The following OR2A12 variants were observed in gnomAD, a reference collection of about 807,000 sequenced individuals.
The protein encoded by OR2A12 is olfactory receptor 2A12.
For missense variants in OR2A12, 380 were observed against 372.5 expected (o/e 1.02, Z -0.17); for synonymous variants, 153 against 149.3 (o/e 1.02, Z -0.18).
In OR2A12 at chr7:144,089,229, T is replaced by A. The variant is rs978975283; in HGVS notation, c.-52+2686T>A. Among the ~76,000 whole-genome samples the A allele has an allele frequency of 3.3e-5, 5 of 152,276 alleles. No individual in the cohort carries two copies. The South Asian group carries it at 1.0e-3, about 32-fold the overall frequency. ...ATAGTATCACCTACATGCTTACACA[T>A]GCTGATAACAAAATTGCTACTACCA... On this transcript the variant is annotated intron_variant, in intron 1 of 1. Transcript: ENST00000641592.
At chr7:144,094,969 G>C (rs549875174) in intron 1 of OR2A12, 88 bp from the exon 2 acceptor site, 2 of 604,534 alleles carry the variant, frequency 3.3e-6, no homozygotes, top group Non-Finnish European at 5.7e-6. Context: ...AGGACTTTGG[G>C]CTGGATGTAC....
At chr7:144,092,358 A>G (rs539336261) in intron 1 of OR2A12, among the ~76,000 whole-genome samples, 22 of 151,810 alleles carry the variant, frequency 1.4e-4, no homozygotes, top group East Asian at 1.4e-3. Context: ...GTTTCATATG[A>G]GTTTTAAAGT....
At chr7:144,089,376 G>C (rs2128802292) in intron 1 of OR2A12, among the ~76,000 whole-genome samples, 1 of 151,780 alleles carries the variant, frequency 6.6e-6, no homozygotes, top group East Asian at 1.9e-4. Context: ...GTGTTAGAGA[G>C]AAAAAAGAGA....
intron 1 of OR2A12, among the ~76,000 whole-genome samples, chr7:144,091,967 A>C (rs968900360): frequency 6.6e-6 from 1 of 152,016 alleles, no homozygotes; most frequent in Non-Finnish European, 1.5e-5. Flanking sequence ...TTGTCTTCCA[A>C]GGTTTTTATT....
At position 144,098,527 on chromosome 7, in the gene OR2A12, A is replaced by G. The variant is rs570026879; in HGVS notation, c.*2487A>G. The G allele has an allele frequency of 1.3e-5, 2 of 152,272 alleles. No individual in the cohort carries two copies. The highest frequency in any genetic ancestry group is 1.5e-5 in the Non-Finnish European group (1 of 68,010). The allele number at this position is 152,272 out of a possible 1,614,324, so 9.4% of individuals were successfully genotyped here. ...AGAAGATCGAGGAACACAGAGGTTGAGTAACTTACCCTGAGTCATTGAGTT... is the reference window on the plus strand; with the variant it reads ...AGAAGATCGAGGAACACAGAGGTTGGGTAACTTACCCTGAGTCATTGAGTT... On this transcript the variant is annotated 3_prime_UTR_variant, in exon 2 of 2. Transcript: ENST00000641592.
In OR2A12 at chr7:144,095,793, C is replaced by A; in HGVS notation, c.686C>A (p.Ser229Tyr). ...CTGGTGGCCATCTTGAGGATCCAGT[C>A]TGGGGAGGGCCGCAGAAAGGCCTTC... The part of the protein sequence containing the change: ...HILVAILRIQ[S>Y]GEGRRKAFST... The change falls in exon 2 of 2, where the codon TCT (serine) becomes TAT (tyrosine). Residue 229 changes from serine to tyrosine, a missense_variant. Ser to Tyr is a moderately radical substitution (Grantham distance 144, BLOSUM62 -2). Transcript: ENST00000641592. 1 of 1,614,112 alleles carries A rather than the reference C, an allele frequency of 6.2e-7. No homozygotes were observed. The highest frequency in any genetic ancestry group is 8.5e-7 in the Non-Finnish European group (1 of 1,180,024).
At position 144,095,409 on chromosome 7, in the gene OR2A12, T is replaced by C. The variant is rs1253174581; in HGVS notation, c.302T>C (p.Phe101Ser). The C allele has an allele frequency of 6.2e-7, 1 of 1,614,106 alleles. No homozygotes were observed. The highest frequency in any genetic ancestry group is 1.1e-5 in the South Asian group (1 of 91,086). Residue 101 changes from phenylalanine (F) to serine (S), a missense_variant, in exon 2 of 2, where the codon TTT becomes TCT. Physicochemically the swap from Phe to Ser is radical, Grantham distance 155 (BLOSUM62 -2). Transcript: ENST00000641592. The stretch of plus-strand genomic sequence containing the variant: ...TTTGCTCCTTGCATACTTCAGACTT[T>C]TTTGTATTTGGCGTTTGCTATTACA... Reference protein sequence around the residue: ...ISFAPCILQTFLYLAFAITEC... With the variant: ...ISFAPCILQTSLYLAFAITEC...
At chr7:144,091,290 C>T (rs964170908) in intron 1 of OR2A12, among the ~76,000 whole-genome samples, 5 of 152,176 alleles carry the variant, frequency 3.3e-5, no homozygotes, top group African/African-American at 1.2e-4. Context: ...ACTCAGGAGG[C>T]TGAGGCAAGA....
Position 144,096,266 on chromosome 7 carries a change from C to A in OR2A12, c.*226C>A, listed in dbSNP as rs751820777. 1 of 366,144 alleles carries A rather than the reference C, an allele frequency of 2.7e-6. No individual in the cohort carries two copies. Among genetic ancestry groups the A allele is most frequent in the East Asian group, 4.9e-5 (1 of 20,278 alleles). The allele number at this position is 366,144 out of a possible 1,614,324, so 22.7% of individuals were successfully genotyped here. On this transcript the variant is annotated 3_prime_UTR_variant, in exon 2 of 2. Coordinates refer to ENST00000641592, the MANE Select transcript of OR2A12 (RefSeq NM_001004135.2). ...GGTCAGGAGTTCGAGACCAGCCTAA[C>A]CAACATGGCGAAACACTGTCTCTAT...
At position 144,095,795 on chromosome 7, in the gene OR2A12, G is replaced by A. The variant is rs1197908545; in HGVS notation, c.688G>A (p.Gly230Arg). The part of the protein sequence containing the change: ...ILVAILRIQS[G>R]EGRRKAFSTC... ...GGTGGCCATCTTGAGGATCCAGTCT[G>A]GGGAGGGCCGCAGAAAGGCCTTCTC... Residue 230 changes from glycine to arginine, a missense_variant, in exon 2 of 2, where the codon GGG becomes AGG. By Grantham distance (125) the Gly-to-Arg change is moderately radical. Transcript: ENST00000641592. 10 of 1,613,990 alleles carry A rather than the reference G, an allele frequency of 6.2e-6. No individual in the cohort carries two copies. The highest frequency in any genetic ancestry group is 1.3e-5 in the African/African-American group (1 of 74,896).
At position 144,098,316 on chromosome 7, in the gene OR2A12, A is replaced by G. The variant is rs575319123; in HGVS notation, c.*2276A>G. ...TTTGTCTTGTCATAGCTGTGTCTCT[A>G]GTATCTAGAGCAGAGCTAGGTACAG... On this transcript the variant is annotated 3_prime_UTR_variant, in exon 2 of 2. Coordinates refer to ENST00000641592, the MANE Select transcript of OR2A12 (RefSeq NM_001004135.2). 1 of 152,256 alleles carries G rather than the reference A, an allele frequency of 6.6e-6. No individual in the cohort carries two copies. Among genetic ancestry groups the G allele is most frequent in the Admixed American group, 6.5e-5 (1 of 15,298 alleles). 9.4% of individuals were successfully genotyped at this position (152,256 alleles called of 1,614,324 possible).
chr7:144,091,260 G>A (rs149714373), intron 1 of OR2A12, among the ~76,000 whole-genome samples: 1,655 of 152,234 alleles, frequency 0.011, 36 homozygotes, highest in African/African-American at 0.037. Flanking sequence ...GTGTGATGGC[G>A]TGTGCCTGTA....
At chr7:144,086,566 T>A (rs1466785992) in intron 1 of OR2A12, 23 bp downstream of exon 1, 1 of 152,216 alleles carries the variant, frequency 6.6e-6, no homozygotes, top group African/African-American at 2.4e-5. Context: ...ATAATGGGCC[T>A]CTTTTAAGTA....
intron 1 of OR2A12, among the ~76,000 whole-genome samples, chr7:144,089,902 A>T (rs543733902): frequency 1.3e-5 from 2 of 152,290 alleles, no homozygotes; most frequent in African/African-American, 4.8e-5. Context: ...AATTATGTGT[A>T]AATATTGTTT....
chr7:144,093,552 T>C (rs2051240688), intron 1 of OR2A12, among the ~76,000 whole-genome samples: 1 of 152,018 alleles, frequency 6.6e-6, no homozygotes, highest in South Asian at 2.1e-4. Flanking sequence ...CATGTATACA[T>C]GTGCAATGTT....
intron 1 of OR2A12, among the ~76,000 whole-genome samples, chr7:144,088,310 C>T (rs1167112992): frequency 1.3e-5 from 2 of 152,194 alleles, no homozygotes; most frequent in Non-Finnish European, 2.9e-5. Context: ...CCGCGCCCAG[C>T]CGTTCTTCTG....
chr7:144,087,585 A>G (rs1400776738), intron 1 of OR2A12, among the ~76,000 whole-genome samples: 1 of 152,250 alleles, frequency 6.6e-6, no homozygotes. Flanking sequence ...TTGCTTTTAA[A>G]AAATAAACAC....
At chr7:144,087,884 T>A (rs1402589008) in intron 1 of OR2A12, among the ~76,000 whole-genome samples, 1 of 152,226 alleles carries the variant, frequency 6.6e-6, no homozygotes, top group Non-Finnish European at 1.5e-5. Context: ...TTTTTGTGCA[T>A]GGTGTGTGGT....
At chr7:144,094,283 CTGT>C (rs1457217275) in intron 1 of OR2A12, among the ~76,000 whole-genome samples, 49 of 152,098 alleles carry the variant, frequency 3.2e-4, no homozygotes, top group Admixed American at 3.2e-3. Context: ...TTCTCAGGTT[CTGT>C]TGATCAAATT....
Sources: allele counts gnomAD v4.1 joint callset (sites outside exome capture counted in the v4.1 genomes callset), GRCh38; gene constraint gnomAD v4.1.1; transcripts MANE v1.5; gene names NCBI Gene and HGNC (gene_info 2026-07-23, HGNC 2026-07-21).